DCAF1: variants seen among roughly 807,000 people sequenced by gnomAD.
DCAF1 encodes the protein DDB1- and CUL4-associated factor 1.
DCAF1 carries 15 observed loss-of-function variants against 128.0 expected under a neutral mutation model. That is an observed-to-expected ratio of 0.12 (90% CI 0.08 to 0.18). The LOEUF is 0.18. DCAF1 is among the 10% of genes least tolerant of loss of function. The pLI is 1.00. For missense variants in DCAF1, 988 were observed against 1,649.5 expected, an observed-to-expected ratio of 0.60 and a Z score of 6.95; for synonymous variants, 610 against 603.0, an observed-to-expected ratio of 1.01 and a Z score of -0.17.
rs779972294 is a variant in DCAF1 at position 51,450,169 on chromosome 3, G to T, written c.376-6266C>A. Among the ~76,000 whole-genome samples the T allele has an allele frequency of 4.6e-5, 7 of 152,148 alleles. 1 individual carries two copies. In the South Asian group the frequency reaches 1.5e-3, roughly 32 times the overall value. On this transcript the variant is annotated intron_variant, in intron 6 of 24. Coordinates refer to ENST00000684031, the MANE Select transcript of DCAF1 (RefSeq NM_001387579.1). ...GAGACAAACTTAAGCAACAAAACCA[G>T]ACCCATCTCTTTAAATAATTAAATA...
chr3:51,480,316 G>A (rs1438035078), intron 3 of DCAF1, among the ~76,000 whole-genome samples: 1 of 152,004 alleles, frequency 6.6e-6, no homozygotes, highest in East Asian at 1.9e-4. Context: ...CGTTAATCCA[G>A]CCGGGCAGGG....
chr3:51,468,221 G>C (rs1704346432), intron 4 of DCAF1, among the ~76,000 whole-genome samples: 1 of 152,180 alleles, frequency 6.6e-6, no homozygotes, highest in East Asian at 1.9e-4. Flanking sequence ...GCCAAGGCTG[G>C]AGTACAGTGG....
intron 9 of DCAF1, among the ~76,000 whole-genome samples, chr3:51,435,388 C>A (rs1330559407): frequency 1.3e-5 from 2 of 152,138 alleles, no homozygotes; most frequent in Non-Finnish European, 2.9e-5. Context: ...TACACACACA[C>A]CAAATCCCAC....
chr3:51,501,189 A>G (rs1218101268), upstream of DCAF1, among the ~76,000 whole-genome samples: 2 of 152,214 alleles, frequency 1.3e-5, no homozygotes, highest in Non-Finnish European at 2.9e-5. Flanking sequence ...TACGTGAGGC[A>G]GAGAAGTGAA....
chr3:51,478,635 G>C (rs1553651566), intron 3 of DCAF1, among the ~76,000 whole-genome samples: 1 of 151,922 alleles, frequency 6.6e-6, no homozygotes, highest in African/African-American at 2.4e-5. Context: ...TTAATAGTTG[G>C]TGTTTAATTA....
intron 6 of DCAF1, among the ~76,000 whole-genome samples, chr3:51,453,201 T>C (rs1317006140): frequency 1.3e-5 from 2 of 152,210 alleles, no homozygotes; most frequent in Non-Finnish European, 2.9e-5. Context: ...TTGCAAATTA[T>C]AACGTTAATC....
chr3:51,456,128 A>G (rs1365753017), intron 6 of DCAF1, among the ~76,000 whole-genome samples: 8 of 152,226 alleles, frequency 5.3e-5, no homozygotes, highest in Non-Finnish European at 1.5e-5. Flanking sequence ...CCCAGGAAGC[A>G]TAAGGGGTCA....
intron 23 of DCAF1, among the ~76,000 whole-genome samples, chr3:51,405,367 G>C (rs374066683): frequency 2.0e-5 from 3 of 152,012 alleles, no homozygotes; most frequent in Admixed American, 6.5e-5. Flanking sequence ...TTTCAAGCAG[G>C]GTCTAAGCTT....
At chr3:51,422,471 G>T in intron 13 of DCAF1, 40 bp from the exon 14 acceptor site, 1 of 716,764 alleles carries the variant, frequency 1.4e-6, no homozygotes. Flanking sequence ...TTAGAGTATA[G>T]CCACAAGAAT....
intron 2 of DCAF1, among the ~76,000 whole-genome samples, chr3:51,489,650 G>A (rs536461472): frequency 1.3e-5 from 2 of 152,190 alleles, no homozygotes; most frequent in Admixed American, 6.6e-5. Flanking sequence ...AGCTGGGCAT[G>A]GTGGTGTACA....
In DCAF1 at chr3:51,435,020, G is replaced by GA. The variant is rs1448787628; in HGVS notation, c.1129-1757dup. Among the ~76,000 whole-genome samples, 8 of 152,252 alleles carry GA rather than the reference G, an allele frequency of 5.3e-5. No homozygotes were observed. The East Asian group carries it at 1.5e-3, about 29-fold the overall frequency. On this transcript the variant is annotated intron_variant, in intron 9 of 24. Transcript: ENST00000684031. Reference sequence around the variant, plus strand: ...TGCACAAATCTCACCAAGGTCAATGGAAAAAACAGGGATGTGCCCTCTTCA... The same window carrying GA: ...TGCACAAATCTCACCAAGGTCAATGGAAAAAAACAGGGATGTGCCCTCTTCA...
intron 1 of DCAF1, among the ~76,000 whole-genome samples, chr3:51,498,231 G>A (rs1004839085): frequency 6.6e-6 from 1 of 150,450 alleles, no homozygotes; most frequent in Non-Finnish European, 1.5e-5. Context: ...GTGGTGGCGC[G>A]TGCCTGTAGT....
chr3:51,481,495 C>G (rs2108378466), intron 3 of DCAF1, among the ~76,000 whole-genome samples: 1 of 151,960 alleles, frequency 6.6e-6, no homozygotes. Flanking sequence ...AGTTCAAGAC[C>G]AGCCTGGCCA....
intron 6 of DCAF1, among the ~76,000 whole-genome samples, chr3:51,456,482 G>A (rs111813801): frequency 1.3e-5 from 2 of 152,220 alleles, no homozygotes; most frequent in Non-Finnish European, 2.9e-5. Flanking sequence ...CTCCACCTCT[G>A]GGGGCAGGGC....
chr3:51,479,222 C>T (rs1228853809), intron 3 of DCAF1, among the ~76,000 whole-genome samples: 2 of 152,164 alleles, frequency 1.3e-5, no homozygotes, highest in Non-Finnish European at 2.9e-5. Context: ...AGTCGTAGGC[C>T]AGGCATGGTG....
At chr3:51,473,132 C>G (rs1323419077) in intron 3 of DCAF1, among the ~76,000 whole-genome samples, 1 of 150,756 alleles carries the variant, frequency 6.6e-6, no homozygotes, top group Admixed American at 6.6e-5. Context: ...CAAAATTAAC[C>G]GGGCACGGTG....
intron 6 of DCAF1, among the ~76,000 whole-genome samples, chr3:51,451,105 T>TTTTA: frequency 7.8e-6 from 1 of 128,886 alleles, no homozygotes; most frequent in Non-Finnish European, 1.6e-5. Flanking sequence ...TTTTTTTTTT[T>TTTTA]AGTGACAAGG....
At chr3:51,466,652 AAGC>A (rs1704158883) in intron 5 of DCAF1, 148 bp downstream of exon 5, 2 of 638,944 alleles carry the variant, frequency 3.1e-6, no homozygotes, top group Non-Finnish European at 2.7e-6. Context: ...ACCAAAGAGA[AAGC>A]ATTATGGCCA....
At chr3:51,453,015 C>CAAA (rs11415116) in intron 6 of DCAF1, among the ~76,000 whole-genome samples, 1 of 109,148 alleles carries the variant, frequency 9.2e-6, no homozygotes. Flanking sequence ...GGCTCTGTCT[C>CAAA]AAAAAAAAAA....
Sources: gnomAD v4.1 joint callset for allele counts (sites outside exome capture counted in the v4.1 genomes callset) on GRCh38, gnomAD v4.1.1 for gene constraint, MANE v1.5 for transcripts, NCBI Gene and HGNC (gene_info 2026-07-23, HGNC 2026-07-21) for gene names.